NEBL: variants seen among roughly 807,000 people sequenced by gnomAD.
The protein encoded by NEBL is nebulette.
NEBL carries 122 observed loss-of-function variants against 140.2 expected under a neutral mutation model. The observed-to-expected ratio is 0.87, with a 90% CI of 0.75 to 1.01. NEBL has a LOEUF of 1.01. Ranked by LOEUF, NEBL falls within the 50% of genes least tolerant of loss-of-function variation. The pLI is 0.00. For missense variants in NEBL, 1,365 were observed against 1,231.3 expected (o/e 1.11, Z -1.62); for synonymous variants, 436 against 398.9 (o/e 1.09, Z -1.11).
intron 4 of NEBL, among the ~76,000 whole-genome samples, chr10:20,907,698 AT>A (rs1270042710): frequency 6.6e-6 from 1 of 152,132 alleles, no homozygotes; most frequent in East Asian, 1.9e-4. Context: ...CTGAAACGAG[AT>A]TTTCCTATTT....
intron 3 of NEBL, among the ~76,000 whole-genome samples, chr10:21,008,948 A>T (rs7908709): frequency 6.6e-6 from 1 of 151,444 alleles, no homozygotes; most frequent in African/African-American, 2.4e-5. Flanking sequence ...TTATATATGT[A>T]TATAAAAAAC....
chr10:21,134,656 T>C (rs1280843597), intron 2 of NEBL, among the ~76,000 whole-genome samples: 1 of 152,244 alleles, frequency 6.6e-6, no homozygotes, highest in East Asian at 1.9e-4. Context: ...TTTTCCTTCC[T>C]ACTCTCACAA....
chr10:20,795,207 C>T (rs1205933269), intron 26 of NEBL, among the ~76,000 whole-genome samples: 5 of 152,100 alleles, frequency 3.3e-5, no homozygotes, highest in African/African-American at 9.7e-5. Context: ...AGGCGGTCAA[C>T]CCTTCCTGCT....
In NEBL at chr10:20,827,737, C is replaced by A. The variant is rs148825535; in HGVS notation, c.1776+793G>T. The stretch of plus-strand genomic sequence containing the variant: ...TACATATACACCACAGAATACCATG[C>A]AGTCATAAAAAAGAATGAGATCATG... On this transcript the variant is annotated intron_variant, in intron 17 of 27. Transcript: ENST00000377122. Among the ~76,000 whole-genome samples, 677 of 152,172 alleles carry A rather than the reference C, an allele frequency of 4.4e-3. 7 individuals are homozygous for A. The highest frequency in any genetic ancestry group is 0.016 in the African/African-American group (649 of 41,514).
chr10:21,173,962 G>A lies in NEBL; in HGVS notation c.-129C>T. Reference sequence around the variant, plus strand: ...CTGCGGGCGGCGGGCGCCGGGTAGGGAGTCGGCGCCGGGCCACGGGTGAGT... The same window carrying A: ...CTGCGGGCGGCGGGCGCCGGGTAGGAAGTCGGCGCCGGGCCACGGGTGAGT... On this transcript the variant is annotated 5_prime_UTR_variant, in exon 1 of 7. Transcript: ENST00000417816. This position sits in a 1 kb window ranked among gnomAD's most constrained non-coding sequence, Gnocchi z 5.7. 1.5e-6 allele frequency: 2 copies of A among 1,365,660 alleles called. No individual in the cohort carries two copies. The highest frequency in any genetic ancestry group is 9.3e-7 in the Non-Finnish European group (1 of 1,069,934). 84.6% of individuals were successfully genotyped at this position (1,365,660 alleles called of 1,614,324 possible). A position where few individuals can be genotyped will look rare whatever the true frequency, so the allele number is the denominator to read the frequency against.
In NEBL at chr10:20,813,958, G is replaced by A; in HGVS notation, c.2327C>T (p.Ala776Val). The A allele has an allele frequency of 1.2e-6, 2 of 1,600,468 alleles. No individual in the cohort carries two copies. Among genetic ancestry groups the A allele is most frequent in the Non-Finnish European group, 1.7e-6 (2 of 1,167,692 alleles). Reference protein sequence around the residue: ...DTPAMRHVKEAQNHISMVKYH... With the variant: ...DTPAMRHVKEVQNHISMVKYH... ...CCCTACCATTGAAATATGATTTTGT[G>A]CTTCTTTAACATGTCTCATAGCAGG... Residue 776 changes from alanine (A) to valine (V), a missense_variant, in exon 23 of 28, where the codon GCA becomes GTA. By Grantham distance (64) the Ala-to-Val change is moderately conservative. Around this residue, in one of 2 missense-constraint regions of NEBL, gnomAD observed 1,323 missense variants for 1,154.8 expected, o/e 1.15. Transcript: ENST00000377122.
rs190351583 is a variant in NEBL, at chr10:20,781,310, C to G, written c.*4437G>C. The G allele has an allele frequency of 6.6e-6, 1 of 152,522 alleles. No homozygotes were observed. The highest frequency in any genetic ancestry group is 6.6e-5 in the Admixed American group (1 of 15,262). The allele number at this position is 152,522 out of a possible 1,614,324, so 9.4% of individuals were successfully genotyped here. On this transcript the variant is annotated 3_prime_UTR_variant, in exon 28 of 28. Transcript: ENST00000377122. ...ACTGTTACACTCTCAAAGTTAGTCTCGCAAATTAATCATCAACCACAATTC... is the reference window on the plus strand; with the variant it reads ...ACTGTTACACTCTCAAAGTTAGTCTGGCAAATTAATCATCAACCACAATTC...
At chr10:21,117,873 C>A (rs928077661) in intron 2 of NEBL, among the ~76,000 whole-genome samples, 1 of 149,830 alleles carries the variant, frequency 6.7e-6, no homozygotes, top group Non-Finnish European at 1.5e-5. Flanking sequence ...ATCTCTATGA[C>A]CTTACATAAG....
chr10:21,049,929 G>A (rs1834696207), intron 2 of NEBL, among the ~76,000 whole-genome samples: 1 of 152,186 alleles, frequency 6.6e-6, no homozygotes, highest in Admixed American at 6.5e-5. Context: ...GGTCTCTCCA[G>A]AATACCTCAT....
At chr10:21,138,925 T>C (rs1336002883) in intron 2 of NEBL, among the ~76,000 whole-genome samples, 2 of 152,026 alleles carry the variant, frequency 1.3e-5, no homozygotes. Context: ...TTAAATTAAA[T>C]TACCAAAAGT....
chr10:20,970,482 C>A (rs61000049), intron 3 of NEBL, among the ~76,000 whole-genome samples: 9 of 151,366 alleles, frequency 5.9e-5, no homozygotes, highest in South Asian at 2.1e-4. Flanking sequence ...CTGCTCCCCC[C>A]ACCAAAAAAA....
rs1844569139 is a variant in NEBL, at chr10:20,868,641, T to C, written c.684+23A>G. 7.5e-6 allele frequency: 11 copies of C among 1,459,242 alleles called. No homozygotes were observed. The East Asian group carries it at 2.5e-4, about 33-fold the overall frequency. 90.4% of individuals were successfully genotyped at this position (1,459,242 alleles called of 1,614,324 possible). A position where few individuals can be genotyped will look rare whatever the true frequency, so the allele number is the denominator to read the frequency against. ...ACAAAATATCTGAATAAAGTCATTG[T>C]GGAATCATCACTAAAGCCTTACTTG... On this transcript the variant is annotated intron_variant, in intron 7 of 27. Coordinates refer to ENST00000377122, the MANE Select transcript of NEBL (RefSeq NM_006393.3).
At chr10:20,864,301 TAGG>T (rs1425937087) in intron 7 of NEBL, among the ~76,000 whole-genome samples, 10 of 152,184 alleles carry the variant, frequency 6.6e-5, no homozygotes, top group African/African-American at 2.2e-4. Context: ...CATCTTCGCA[TAGG>T]AGATTTTTGT....
intron 2 of NEBL, among the ~76,000 whole-genome samples, chr10:21,106,102 G>C (rs1837705759): frequency 6.6e-6 from 1 of 151,622 alleles, no homozygotes; most frequent in Non-Finnish European, 1.5e-5. Context: ...TTGTCAGATG[G>C]GCAGATTGCA....
At chr10:21,045,430 T>C (rs1227222520) in intron 2 of NEBL, among the ~76,000 whole-genome samples, 1 of 152,192 alleles carries the variant, frequency 6.6e-6, no homozygotes, top group Non-Finnish European at 1.5e-5. Flanking sequence ...GCTCAAAAAC[T>C]CATAATACAC....
At chr10:20,790,183 G>T (rs1318978848) in intron 26 of NEBL, among the ~76,000 whole-genome samples, 3 of 152,096 alleles carry the variant, frequency 2.0e-5, no homozygotes, top group East Asian at 3.9e-4. Context: ...TTATCTTCAT[G>T]CCTTTATTGA....
intron 3 of NEBL, among the ~76,000 whole-genome samples, chr10:21,204,420 CCTTTCTCTCTCTCTCTTT>C (rs1841792863): frequency 6.6e-6 from 1 of 152,194 alleles, no homozygotes; most frequent in South Asian, 2.1e-4. Context: ...ACAGTAGAGA[CCTTTCTCTCTCTCTCTTT>C]CTTTCTCTCT....
At chr10:21,093,332 T>C (rs1322295231) in intron 2 of NEBL, among the ~76,000 whole-genome samples, 1 of 151,774 alleles carries the variant, frequency 6.6e-6, no homozygotes, top group Non-Finnish European at 1.5e-5. Flanking sequence ...GGACCATGAG[T>C]TGGACAAAAT....
At chr10:20,879,224 T>C (rs1324811006) in intron 5 of NEBL, among the ~76,000 whole-genome samples, 1 of 152,198 alleles carries the variant, frequency 6.6e-6, no homozygotes, top group Non-Finnish European at 1.5e-5. Flanking sequence ...ACTCAGGAGT[T>C]TGATTTCTTA....
Sources: allele counts gnomAD v4.1 joint callset (sites outside exome capture counted in the v4.1 genomes callset), GRCh38; gene constraint gnomAD v4.1.1; regional missense constraint gnomAD v4.1.1; non-coding constraint Gnocchi (gnomAD v3.1); transcripts MANE v1.5; gene names NCBI Gene and HGNC (gene_info 2026-07-23, HGNC 2026-07-21).